Variants in ZNF292 observed in about 807,000 individuals in gnomAD.
ZNF292 encodes zinc finger protein 292, also known as 16 zinc-finger domain protein.
A neutral mutation model predicts 217.9 loss-of-function variants in ZNF292; 26 were observed. The observed-to-expected ratio is 0.12, with a 90% CI of 0.09 to 0.17. The LOEUF is 0.17. ZNF292 is among the 10% of genes least tolerant of loss of function. The pLI is 1.00. For synonymous variants in ZNF292, 1,257 were observed against 1,124.1 expected (o/e 1.12, Z -2.37); for missense variants, 2,904 against 3,175.2 (o/e 0.91, Z 2.05).
chr6:87,163,227 A>T (rs1257905213), intron 1 of ZNF292, among the ~76,000 whole-genome samples: 6 of 152,164 alleles, frequency 3.9e-5, no homozygotes, highest in Non-Finnish European at 8.8e-5. Flanking sequence ...CGAGGCGGGC[A>T]GATCATGAAG....
intron 4 of ZNF292, chr6:87,222,687 T>A (rs1773144008): frequency 2.6e-6 from 1 of 382,390 alleles, no homozygotes; most frequent in Non-Finnish European, 5.3e-6. Flanking sequence ...ATTAATAAAC[T>A]AATATTTATA....
In ZNF292 at chr6:87,258,959, C is replaced by G. The variant is rs41273279; in HGVS notation, c.5330C>G (p.Ser1777Cys). Residue 1777 changes from serine (S) to cysteine (C), a missense_variant, in exon 8 of 8, where the codon TCT becomes TGT. Physicochemically the swap from Ser to Cys is moderately radical, Grantham distance 112. Around this residue, in one of 15 missense-constraint regions of ZNF292, gnomAD observed 622 missense variants for 573.1 expected, o/e 1.09. Transcript: ENST00000369577. ...NSQILEVKSG[S>C]QGAGETSQNA... Reference sequence around the variant, plus strand: ...CAAATACTTGAGGTAAAAAGTGGATCTCAGGGTGCTGGTGAAACTTCACAA... The same window carrying G: ...CAAATACTTGAGGTAAAAAGTGGATGTCAGGGTGCTGGTGAAACTTCACAA... 1 of 1,612,990 alleles carries G rather than the reference C, an allele frequency of 6.2e-7. No individual in the cohort carries two copies. The highest frequency in any genetic ancestry group is 8.5e-7 in the Non-Finnish European group (1 of 1,179,408).
At chr6:87,232,584 A>G (rs1451634172) in intron 4 of ZNF292, among the ~76,000 whole-genome samples, 1 of 152,140 alleles carries the variant, frequency 6.6e-6, no homozygotes. Context: ...AAAAATATTA[A>G]TTCTTATTTG....
intron 1 of ZNF292, among the ~76,000 whole-genome samples, chr6:87,181,491 G>C (rs922756323): frequency 1.3e-5 from 2 of 152,162 alleles, no homozygotes; most frequent in African/African-American, 2.4e-5. Context: ...GCAAGATGGG[G>C]GAAGTGGTGG....
intron 1 of ZNF292, among the ~76,000 whole-genome samples, chr6:87,177,708 C>T (rs1326181448): frequency 6.6e-6 from 1 of 152,168 alleles, no homozygotes; most frequent in Non-Finnish European, 1.5e-5. Context: ...CCAACTTCAC[C>T]ATCTACTAGT....
chr6:87,257,298 A>T lies in ZNF292; in HGVS notation c.3669A>T (p.Gln1223His). The change falls in exon 8 of 8, where the codon CAA (glutamine) becomes CAT (histidine). Residue 1223 changes from glutamine to histidine, a missense_variant. Physicochemically the swap from Gln to His is conservative, Grantham distance 24. Transcript: ENST00000369577. The stretch of plus-strand genomic sequence containing the variant: ...TAACTTCTCAGGATAAAAATGAACA[A>T]GGTGGTATGTTATGTTCCCAAATGG... ...PNITSQDKNE[Q>H]GGMLCSQMEN... 6.2e-7 allele frequency: 1 copy of T among 1,613,694 alleles called. No homozygotes were observed. Among genetic ancestry groups the T allele is most frequent in the Non-Finnish European group, 8.5e-7 (1 of 1,179,772 alleles).
chr6:87,174,087 T>G, intron 1 of ZNF292: 1 of 195,640 alleles, frequency 5.1e-6, no homozygotes, highest in South Asian at 9.4e-5. Flanking sequence ...TAAAAGGCTC[T>G]CAGAATAGTG....
chr6:87,162,238 A>G (rs1770775969), intron 1 of ZNF292, among the ~76,000 whole-genome samples: 1 of 152,232 alleles, frequency 6.6e-6, no homozygotes, highest in South Asian at 2.1e-4. Flanking sequence ...TATAAGAAAT[A>G]AAAACCAAAT....
At chr6:87,197,244 A>G (rs1014733623) in intron 1 of ZNF292, among the ~76,000 whole-genome samples, 8 of 152,232 alleles carry the variant, frequency 5.3e-5, no homozygotes, top group Non-Finnish European at 5.9e-5. Context: ...AAACCTGGCC[A>G]GTAAATGTGT....
At chr6:87,205,192 C>G (rs964670688) in intron 1 of ZNF292, among the ~76,000 whole-genome samples, 4 of 152,046 alleles carry the variant, frequency 2.6e-5, no homozygotes, top group Middle Eastern at 3.2e-3. Flanking sequence ...CCAGCTTTAG[C>G]CTCCCAAGTA....
chr6:87,187,856 T>C (rs1232191554), intron 1 of ZNF292, among the ~76,000 whole-genome samples: 2 of 152,140 alleles, frequency 1.3e-5, no homozygotes, highest in Admixed American at 1.3e-4. Context: ...CCCAGGCATG[T>C]AAATTAATGA....
intron 1 of ZNF292, among the ~76,000 whole-genome samples, chr6:87,176,772 C>G (rs775757201): frequency 1.3e-5 from 2 of 152,184 alleles, no homozygotes; most frequent in Non-Finnish European, 2.9e-5. Context: ...GTCATCCACT[C>G]TGACATTATC....
intron 5 of ZNF292, among the ~76,000 whole-genome samples, chr6:87,238,734 C>A (rs190453277): frequency 0.022 from 3,262 of 147,866 alleles, 60 homozygotes; most frequent in Middle Eastern, 0.045. Context: ...CGCAGAGGGG[C>A]ATTTGGCAGG....
intron 3 of ZNF292, among the ~76,000 whole-genome samples, chr6:87,218,105 G>C (rs1313091037): frequency 6.6e-6 from 1 of 152,130 alleles, no homozygotes; most frequent in African/African-American, 2.4e-5. Flanking sequence ...GCTTTAATGT[G>C]AAATTGCCAG....
chr6:87,243,283 T>G (rs1430231075), intron 5 of ZNF292, among the ~76,000 whole-genome samples, 192 bp from the exon 6 acceptor site: 4 of 150,316 alleles, frequency 2.7e-5, no homozygotes, highest in South Asian at 4.2e-4. Context: ...AAGAAAGGTT[T>G]TTTTTTTTTT....
At chr6:87,163,359 G>T (rs1770816084) in intron 1 of ZNF292, among the ~76,000 whole-genome samples, 1 of 151,942 alleles carries the variant, frequency 6.6e-6, no homozygotes. Context: ...GCTGAGGCAG[G>T]AGAATGGTGT....
At chr6:87,214,461 G>A (rs1772642558) in intron 1 of ZNF292, among the ~76,000 whole-genome samples, 3 of 152,192 alleles carry the variant, frequency 2.0e-5, no homozygotes, top group Admixed American at 2.0e-4. Flanking sequence ...TGAGGTGCAA[G>A]TGTGGATGAG....
At chr6:87,197,038 A>G (rs777381658) in intron 1 of ZNF292, among the ~76,000 whole-genome samples, 7 of 151,794 alleles carry the variant, frequency 4.6e-5, no homozygotes, top group African/African-American at 7.3e-5. Flanking sequence ...GCAACAGACA[A>G]AACAAATCCA....
At chr6:87,215,183 TC>T (rs1460974276) in intron 1 of ZNF292, 11 of 151,632 alleles carry the variant, frequency 7.3e-5, no homozygotes, top group Admixed American at 7.2e-4. Flanking sequence ...AACTTATCTT[TC>T]CATTATCTCC....
Sources: gnomAD v4.1 joint callset for allele counts (sites outside exome capture counted in the v4.1 genomes callset) on GRCh38, gnomAD v4.1.1 for gene constraint, gnomAD v4.1.1 regional missense constraint, MANE v1.5 for transcripts, NCBI Gene and HGNC (gene_info 2026-07-23, HGNC 2026-07-21) for gene names.